Variants in ERC2 observed in about 807,000 individuals in gnomAD.
ERC2 encodes the protein ERC protein 2.
ERC2 carries 42 observed loss-of-function variants against 114.8 expected under a neutral mutation model. The ratio of observed to expected loss-of-function variants is 0.37; its 90% CI spans 0.29 to 0.47. ERC2 has a LOEUF of 0.47. ERC2 is among the 20% of genes least tolerant of loss of function. ERC2 has a pLI of 0.99. For missense variants in ERC2, 939 were observed against 1,150.7 expected, an observed-to-expected ratio of 0.82 and a Z score of 2.66; for synonymous variants, 454 against 425.5, an observed-to-expected ratio of 1.07 and a Z score of -0.82.
At chr3:55,772,096 C>A (rs1454796380) in intron 14 of ERC2, among the ~76,000 whole-genome samples, 4 of 152,162 alleles carry the variant, frequency 2.6e-5, no homozygotes, top group Admixed American at 6.5e-5. Context: ...GTACTCTAGG[C>A]ATACAGTAAG....
chr3:55,819,719 G>A (rs1175781695), intron 14 of ERC2, among the ~76,000 whole-genome samples: 4 of 152,148 alleles, frequency 2.6e-5, no homozygotes, highest in African/African-American at 7.2e-5. Flanking sequence ...ATATTAGGAC[G>A]GCAGAGACAA....
At chr3:55,754,989 C>T (rs2066957401) in intron 14 of ERC2, among the ~76,000 whole-genome samples, 1 of 151,966 alleles carries the variant, frequency 6.6e-6, no homozygotes, top group Non-Finnish European at 1.5e-5. Context: ...CAGCAATTGT[C>T]CTGATATGGA....
intron 14 of ERC2, among the ~76,000 whole-genome samples, chr3:55,798,490 C>T (rs142810643): frequency 6.6e-6 from 1 of 151,402 alleles, no homozygotes; most frequent in Non-Finnish European, 1.5e-5. Flanking sequence ...CCCAGCTACT[C>T]GGGCAGCTGA....
intron 17 of ERC2, among the ~76,000 whole-genome samples, chr3:55,663,327 C>T (rs2061218341): frequency 6.6e-6 from 1 of 152,200 alleles, no homozygotes; most frequent in African/African-American, 2.4e-5. Context: ...GAGAAAGGGG[C>T]TCGGAGGAGG....
chr3:55,835,022 C>G (rs1028933618), intron 14 of ERC2, among the ~76,000 whole-genome samples: 25 of 151,748 alleles, frequency 1.6e-4, no homozygotes, highest in Admixed American at 1.5e-3. Flanking sequence ...AATTCCTCGA[C>G]ACATACACCC....
chr3:56,328,826 C>T (rs979408970), intron 2 of ERC2, among the ~76,000 whole-genome samples: 1 of 152,092 alleles, frequency 6.6e-6, no homozygotes, highest in African/African-American at 2.4e-5. Context: ...TTCATCAACA[C>T]CTGACATTGA....
At chr3:56,402,547 G>A (rs1034808324) in intron 2 of ERC2, among the ~76,000 whole-genome samples, 1 of 152,042 alleles carries the variant, frequency 6.6e-6, no homozygotes, top group East Asian at 1.9e-4. Flanking sequence ...ACAGCAACCT[G>A]CCCCCTAGGA....
At chr3:56,207,997 T>C (rs1366695783) in intron 3 of ERC2, among the ~76,000 whole-genome samples, 1 of 152,170 alleles carries the variant, frequency 6.6e-6, no homozygotes, top group Non-Finnish European at 1.5e-5. Context: ...GTAGATGGCA[T>C]TTGTGTTAAG....
At chr3:56,327,113 T>A (rs1469629765) in intron 2 of ERC2, among the ~76,000 whole-genome samples, 1 of 152,158 alleles carries the variant, frequency 6.6e-6, no homozygotes, top group Non-Finnish European at 1.5e-5. Flanking sequence ...TGAAGACCAA[T>A]GTGTATTAGT....
chr3:55,673,627 G>C (rs994417948), intron 17 of ERC2, among the ~76,000 whole-genome samples: 2 of 151,896 alleles, frequency 1.3e-5, no homozygotes, highest in Non-Finnish European at 2.9e-5. Context: ...AGGTTTCTTC[G>C]ATAACATGAT....
At chr3:55,911,337 A>C (rs78204410) in intron 13 of ERC2, among the ~76,000 whole-genome samples, 5,227 of 152,286 alleles carry the variant, frequency 0.034, 198 homozygotes, top group African/African-American at 0.087. Flanking sequence ...CCACAAGCAG[A>C]GAGTGGTTCA....
At chr3:55,796,432 T>C (rs1383545273) in intron 14 of ERC2, among the ~76,000 whole-genome samples, 1 of 152,170 alleles carries the variant, frequency 6.6e-6, no homozygotes, top group Non-Finnish European at 1.5e-5. Context: ...TGTTTCTTTT[T>C]CTTTCTTTTT....
intron 2 of ERC2, among the ~76,000 whole-genome samples, chr3:56,413,205 C>T (rs77475531): frequency 0.015 from 2,308 of 152,330 alleles, 59 homozygotes; most frequent in African/African-American, 0.052. Context: ...CCCCAAGCCT[C>T]CCACTTTCAT....
chr3:56,401,774 T>A (rs1190809252), intron 2 of ERC2, among the ~76,000 whole-genome samples: 2 of 152,200 alleles, frequency 1.3e-5, no homozygotes, highest in Admixed American at 1.3e-4. Context: ...AGACTGCAAC[T>A]TTTATTGAAG....
At chr3:56,219,327 G>A (rs2049735531) in intron 3 of ERC2, among the ~76,000 whole-genome samples, 2 of 151,834 alleles carry the variant, frequency 1.3e-5, no homozygotes, top group South Asian at 2.1e-4. Context: ...CTTCTTAGGT[G>A]GGACAATAAT....
chr3:55,882,398 T>C (rs1409812316), intron 14 of ERC2, among the ~76,000 whole-genome samples: 1 of 152,196 alleles, frequency 6.6e-6, no homozygotes, highest in Non-Finnish European at 1.5e-5. Flanking sequence ...GCTTCAGTAT[T>C]CCTTTATAGC....
At chr3:55,676,378 C>T (rs2061811405) in intron 17 of ERC2, among the ~76,000 whole-genome samples, 2 of 151,826 alleles carry the variant, frequency 1.3e-5, no homozygotes, top group Admixed American at 6.6e-5. Flanking sequence ...AGGCACCTCT[C>T]TCCCTACTCT....
At chr3:55,898,264 G>A (rs756194333) in intron 13 of ERC2, among the ~76,000 whole-genome samples, 1 of 152,182 alleles carries the variant, frequency 6.6e-6, no homozygotes, top group Non-Finnish European at 1.5e-5. Flanking sequence ...GGCTGTGGGG[G>A]TGTGCTTCTG....
chr3:55,674,392 A>G (rs2061692885), intron 17 of ERC2, among the ~76,000 whole-genome samples: 1 of 152,216 alleles, frequency 6.6e-6, no homozygotes. Flanking sequence ...AAAATATGGC[A>G]AGATATATAC....
Sources: gnomAD v4.1 joint callset for allele counts (sites outside exome capture counted in the v4.1 genomes callset) on GRCh38, gnomAD v4.1.1 for gene constraint, MANE v1.5 for transcripts, NCBI Gene and HGNC (gene_info 2026-07-23, HGNC 2026-07-21) for gene names.